The following PAQR5 variants were observed in gnomAD, a reference collection of about 807,000 sequenced individuals.
PAQR5 encodes membrane progestin receptor gamma.
Under a neutral mutation model 34.5 loss-of-function variants are expected in PAQR5, and 20 were observed. That is an observed-to-expected ratio of 0.58 (90% confidence interval 0.41 to 0.84). PAQR5 has a LOEUF of 0.84. PAQR5 is among the 40% of genes least tolerant of loss of function. The pLI is 0.00. For synonymous variants in PAQR5, 131 were observed against 155.6 expected (o/e 0.84, Z 1.18); for missense variants, 378 against 412.7 (o/e 0.92, Z 0.73).
chr15:69,361,679 AACTC>A (rs1455765438), intron 3 of PAQR5, among the ~76,000 whole-genome samples: 13 of 152,292 alleles, frequency 8.5e-5, no homozygotes, highest in Middle Eastern at 6.8e-3. Context: ...GTCTCAAGAG[AACTC>A]ACTCACAGTT....
At chr15:69,352,833 CT>C (rs2054958771) in intron 2 of PAQR5, among the ~76,000 whole-genome samples, 1 of 152,164 alleles carries the variant, frequency 6.6e-6, no homozygotes, top group Admixed American at 6.5e-5. Context: ...AGAAACATGA[CT>C]GGAAAATTGG....
chr15:69,359,176 G>A (rs1006233153), intron 2 of PAQR5, among the ~76,000 whole-genome samples: 2 of 152,098 alleles, frequency 1.3e-5, no homozygotes, highest in South Asian at 2.1e-4. Context: ...AATCCCACTC[G>A]TAAGGGCAGA....
intron 3 of PAQR5, among the ~76,000 whole-genome samples, chr15:69,371,716 G>T (rs2055567832): frequency 6.6e-6 from 1 of 152,028 alleles, no homozygotes; most frequent in Non-Finnish European, 1.5e-5. Flanking sequence ...TGCATTTTAT[G>T]TGCGACTCCT....
chr15:69,342,067 T>G (rs1318750863), intron 2 of PAQR5, among the ~76,000 whole-genome samples: 1 of 152,178 alleles, frequency 6.6e-6, no homozygotes, highest in Non-Finnish European at 1.5e-5. Context: ...TTGCACCACT[T>G]TACAGTCCCA....
chr15:69,320,768 A>C (rs1399543664), intron 1 of PAQR5, among the ~76,000 whole-genome samples: 5 of 152,234 alleles, frequency 3.3e-5, no homozygotes, highest in South Asian at 2.1e-4. Flanking sequence ...TCAGTCATGG[A>C]AAGTTCAAGA....
Position 69,385,771 on chromosome 15 carries a change from C to T in PAQR5, c.385+889C>T, listed in dbSNP as rs1567035331. Among the ~76,000 whole-genome samples the T allele has an allele frequency of 6.6e-6, 1 of 151,920 alleles. No individual in the cohort carries two copies. Among genetic ancestry groups the T allele is most frequent in the Non-Finnish European group, 1.5e-5 (1 of 67,982 alleles). Reference sequence around the variant, plus strand: ...ACTCACACAAACACACACTCATGCACTGACACACACTGACACACACACATA... The same window carrying T: ...ACTCACACAAACACACACTCATGCATTGACACACACTGACACACACACATA... On this transcript the variant is annotated intron_variant, in intron 5 of 8. Coordinates refer to ENST00000395407, the MANE Select transcript of PAQR5 (RefSeq NM_017705.4). This position sits in a 1 kb window ranked among gnomAD's most constrained non-coding sequence, Gnocchi z 4.7.
intron 2 of PAQR5, among the ~76,000 whole-genome samples, chr15:69,339,181 C>CCCT (rs55817112): frequency 6.7e-6 from 1 of 148,568 alleles, no homozygotes; most frequent in Non-Finnish European, 1.5e-5. Context: ...CCCCCCACCC[C>CCCT]GCCACCAAGT....
rs201491680 is a variant in PAQR5 at position 69,300,682 on chromosome 15, T to C, written c.-277+1626T>C. Among the ~76,000 whole-genome samples, 28 of 6,682 alleles carry C rather than the reference T, an allele frequency of 4.2e-3. 5 individuals carry two copies. The highest frequency in any genetic ancestry group is 0.037 in the Admixed American group (14 of 382). 4.4% of individuals were successfully genotyped at this position (6,682 alleles called of 152,430 possible). A position where few individuals can be genotyped will look rare whatever the true frequency, so the allele number is the denominator to read the frequency against. ...TCTTTCTTTCATTCTTTCTCTTCCT[T>C]CCTCCCTCCCTCTCTCTCTCTCTTT... On this transcript the variant is annotated intron_variant, in intron 1 of 8. Transcript: ENST00000395407.
At chr15:69,379,227 A>C (rs2055809540) in intron 3 of PAQR5, among the ~76,000 whole-genome samples, 1 of 150,768 alleles carries the variant, frequency 6.6e-6, no homozygotes, top group Admixed American at 6.6e-5. Flanking sequence ...TACTCCAGGC[A>C]GGTTGATACC....
chr15:69,339,575 C>A lies in PAQR5; in HGVS notation c.-116+2074C>A, dbSNP rs551883359. On this transcript the variant is annotated intron_variant, in intron 2 of 8. Coordinates refer to ENST00000395407, the MANE Select transcript of PAQR5 (RefSeq NM_017705.4). ...GCAGCCTCTGCCTCCCAGGTTCAAG[C>A]AATTCTCATGCCTCAGCTTCCCAAG... Among the ~76,000 whole-genome samples, 306 of 152,272 alleles carry A rather than the reference C, an allele frequency of 2.0e-3. 1 individual carries two copies. The highest frequency in any genetic ancestry group is 3.4e-3 in the Non-Finnish European group (232 of 68,016).
intron 6 of PAQR5, chr15:69,391,620 C>T: frequency 2.2e-6 from 1 of 455,978 alleles, no homozygotes; most frequent in Non-Finnish European, 4.4e-6. Context: ...TGGACCTGGT[C>T]CTTGGACCAG....
At position 69,360,008 on chromosome 15, in the gene PAQR5, T is replaced by C. The variant is rs1434968984; in HGVS notation, c.-73T>C. ...AGCTAGGCAGAGACGCCCCAGGCCA[T>C]GTTAGAGCTTTGAGTGAGGCCTGGT... On this transcript the variant is annotated 5_prime_UTR_variant, in exon 3 of 9. An upstream start codon of the reference 5' UTR is lost. Coordinates refer to ENST00000395407, the MANE Select transcript of PAQR5 (RefSeq NM_017705.4). 5.9e-6 allele frequency: 7 copies of C among 1,178,864 alleles called. No homozygotes were observed. Among genetic ancestry groups the C allele is most frequent in the Admixed American group, 1.7e-5 (1 of 58,664 alleles). The allele number at this position is 1,178,864 out of a possible 1,614,324, so 73.0% of individuals were successfully genotyped here. A position where few individuals can be genotyped will look rare whatever the true frequency, so the allele number is the denominator to read the frequency against.
At chr15:69,345,925 C>T (rs2054757341) in intron 2 of PAQR5, among the ~76,000 whole-genome samples, 1 of 152,212 alleles carries the variant, frequency 6.6e-6, no homozygotes, top group Non-Finnish European at 1.5e-5. Flanking sequence ...GCCTGGGCAA[C>T]ATAGACCCTT....
chr15:69,387,909 A>C (rs571357703), intron 5 of PAQR5, among the ~76,000 whole-genome samples: 7 of 151,752 alleles, frequency 4.6e-5, no homozygotes, highest in East Asian at 2.0e-4. Flanking sequence ...ACCTGGATAT[A>C]CCCCCACCAT....
intron 3 of PAQR5, among the ~76,000 whole-genome samples, chr15:69,376,640 G>A (rs756900731): frequency 5.3e-5 from 8 of 152,080 alleles, no homozygotes; most frequent in Non-Finnish European, 7.4e-5. Flanking sequence ...TTTAAATCTT[G>A]CCCCTATTAC....
At chr15:69,381,468 G>C (rs2055882326) in intron 4 of PAQR5, among the ~76,000 whole-genome samples, 1 of 152,232 alleles carries the variant, frequency 6.6e-6, no homozygotes, top group African/African-American at 2.4e-5. Flanking sequence ...GATTTAGGCT[G>C]TTTTGAGATT....
At chr15:69,386,220 ACT>A (rs896571495) in intron 5 of PAQR5, among the ~76,000 whole-genome samples, 4 of 150,090 alleles carry the variant, frequency 2.7e-5, no homozygotes, top group Non-Finnish European at 3.0e-5. Context: ...ACACACTCAC[ACT>A]CTCACATACA....
chr15:69,307,908 C>T (rs1178538528), intron 1 of PAQR5, among the ~76,000 whole-genome samples: 3 of 152,120 alleles, frequency 2.0e-5, no homozygotes, highest in Non-Finnish European at 1.5e-5. Context: ...TGGGTAAGTT[C>T]ACTGGAGGAG....
intron 7 of PAQR5, among the ~76,000 whole-genome samples, chr15:69,399,423 A>G (rs2056553349): frequency 6.6e-6 from 1 of 152,156 alleles, no homozygotes; most frequent in South Asian, 2.1e-4. Context: ...TATAATACCT[A>G]CACAAAATAT....
Sources: allele counts gnomAD v4.1 joint callset (sites outside exome capture counted in the v4.1 genomes callset), GRCh38; gene constraint gnomAD v4.1.1; non-coding constraint Gnocchi (gnomAD v3.1); transcripts MANE v1.5; gene names NCBI Gene and HGNC (gene_info 2026-07-23, HGNC 2026-07-21).